Variants in UTRN observed in about 807,000 individuals in gnomAD.
The protein encoded by UTRN is dystrophin-related protein 1.
Under a neutral mutation model 463.9 loss-of-function variants are expected in UTRN, and 283 were observed. That is an observed-to-expected ratio of 0.61 (90% CI 0.55 to 0.67). The LOEUF (loss-of-function observed/expected upper bound fraction) is 0.67. Ranked by LOEUF, UTRN falls within the 30% of genes least tolerant of loss-of-function variation. The pLI is 0.00. For missense variants in UTRN, 3,922 were observed against 4,084.3 expected (o/e 0.96, Z 1.08); for synonymous variants, 1,442 against 1,431.5 (o/e 1.01, Z -0.17).
chr6:144,361,600 CT>C (rs968318807), intron 2 of UTRN, among the ~76,000 whole-genome samples: 1 of 151,600 alleles, frequency 6.6e-6, no homozygotes, highest in Non-Finnish European at 1.5e-5. Flanking sequence ...ATTTATTTAT[CT>C]TTTTTAGAGA....
At chr6:144,437,868 A>G (rs1332871388) in intron 11 of UTRN, 122 bp downstream of exon 11, 1 of 937,656 alleles carries the variant, frequency 1.1e-6, no homozygotes, top group South Asian at 2.3e-5. Context: ...GAAAAGTAAG[A>G]CTCTTTTCTA....
chr6:144,406,279 C>G (rs569382016), intron 3 of UTRN, among the ~76,000 whole-genome samples: 2 of 152,094 alleles, frequency 1.3e-5, no homozygotes, highest in South Asian at 4.1e-4. Flanking sequence ...ATACATGGAC[C>G]ACTGTGATAA....
At position 144,820,978 on chromosome 6, in the gene UTRN, C is replaced by T. The variant is rs1238871260; in HGVS notation, c.9454C>T (p.Leu3152=). Residue 3152 remains leucine, a synonymous_variant, in exon 66 of 75, where the codon CTG becomes TTG. Transcript: ENST00000367545. The part of the protein sequence containing the change: ...YFAKHPRLGY[L]PVQTVLEGDN... ...TGCCAAACACCCTCGACTTGGTTAC[C>T]TGCCTGTCCAGACAGTTCTTGAAGG... 2 of 1,613,762 alleles carry T rather than the reference C, an allele frequency of 1.2e-6. No homozygotes were observed. Among genetic ancestry groups the T allele is most frequent in the Non-Finnish European group, 1.7e-6 (2 of 1,179,872 alleles).
At chr6:144,637,785 G>A (rs1777337255) in intron 51 of UTRN, among the ~76,000 whole-genome samples, 1 of 152,180 alleles carries the variant, frequency 6.6e-6, no homozygotes, top group Non-Finnish European at 1.5e-5. Flanking sequence ...GGAGCTCCAG[G>A]CTCATTTACA....
intron 2 of UTRN, among the ~76,000 whole-genome samples, chr6:144,362,372 A>G (rs1348478299): frequency 6.6e-6 from 1 of 152,212 alleles, no homozygotes; most frequent in Non-Finnish European, 1.5e-5. Context: ...GCTGACCTCC[A>G]GGAGCACTTG....
At chr6:144,592,571 A>C (rs373935060) in intron 51 of UTRN, among the ~76,000 whole-genome samples, 3 of 152,022 alleles carry the variant, frequency 2.0e-5, no homozygotes, top group Non-Finnish European at 4.4e-5. Flanking sequence ...GAGTTTCACC[A>C]TGTTGGCCAT....
intron 51 of UTRN, among the ~76,000 whole-genome samples, chr6:144,628,815 T>G (rs892722557): frequency 2.0e-5 from 3 of 152,118 alleles, no homozygotes; most frequent in Non-Finnish European, 4.4e-5. Flanking sequence ...ACAACTCTCA[T>G]CTCTTTGGGA....
At chr6:144,485,203 C>T (rs981708878) in intron 27 of UTRN, among the ~76,000 whole-genome samples, 182 bp from the exon 28 acceptor site, 5 of 152,046 alleles carry the variant, frequency 3.3e-5, no homozygotes, top group African/African-American at 9.7e-5. Context: ...GGATTACAGG[C>T]GTGAGCCACC....
Position 144,592,386 on chromosome 6 carries a change from T to C in UTRN, c.7479+15098T>C, listed in dbSNP as rs559836549. Among the ~76,000 whole-genome samples the C allele has an allele frequency of 1.7e-3, 255 of 152,228 alleles. 1 individual carries two copies. Among genetic ancestry groups the C allele is most frequent in the African/African-American group, 5.9e-3 (245 of 41,530 alleles). ...TTAAATTTTTAAATTTTTTTTTTTA[T>C]TTTTTAGACAAGAGTCTTGCTGTCA... On this transcript the variant is annotated intron_variant, in intron 51 of 74. Transcript: ENST00000367545.
intron 51 of UTRN, among the ~76,000 whole-genome samples, chr6:144,602,044 C>T (rs779052970): frequency 5.3e-5 from 8 of 152,096 alleles, no homozygotes; most frequent in East Asian, 1.9e-4. Context: ...TTGGAAACTA[C>T]GACTTTAAGC....
At chr6:144,440,622 A>G in intron 13 of UTRN, 151 bp downstream of exon 13, 1 of 1,024,164 alleles carries the variant, frequency 9.8e-7, no homozygotes, top group East Asian at 2.6e-5. Context: ...GGGGTTCTAC[A>G]GTGTGTGGGC....
At chr6:144,364,388 C>G (rs979010865) in intron 2 of UTRN, among the ~76,000 whole-genome samples, 1 of 152,122 alleles carries the variant, frequency 6.6e-6, no homozygotes, top group South Asian at 2.1e-4. Flanking sequence ...TGATTTGGGT[C>G]AAATGTCCTT....
chr6:144,725,721 GATTATATGTATAA>G (rs1787804708), intron 53 of UTRN, among the ~76,000 whole-genome samples: 1 of 152,172 alleles, frequency 6.6e-6, no homozygotes, highest in African/African-American at 2.4e-5. Context: ...AGTGTGAAAT[GATTATATGTATAA>G]AACTGTTGAA....
chr6:144,800,977 T>C (rs1483187974), intron 64 of UTRN, among the ~76,000 whole-genome samples: 2 of 152,282 alleles, frequency 1.3e-5, no homozygotes, highest in South Asian at 2.1e-4. Context: ...TCAGAAGTCA[T>C]TGGGAATCTT....
intron 9 of UTRN, among the ~76,000 whole-genome samples, chr6:144,430,221 T>C (rs1248468220): frequency 6.6e-6 from 1 of 152,214 alleles, no homozygotes; most frequent in Non-Finnish European, 1.5e-5. Context: ...AGGAGTAATG[T>C]ATGGTAAACT....
At chr6:144,787,887 G>A (rs1776420531) in intron 61 of UTRN, among the ~76,000 whole-genome samples, 2 of 152,038 alleles carry the variant, frequency 1.3e-5, no homozygotes, top group Non-Finnish European at 1.5e-5. Context: ...AATGAAAATG[G>A]ATCCTAAATG....
chr6:144,382,599 G>A (rs1781033808), intron 2 of UTRN, among the ~76,000 whole-genome samples: 1 of 152,172 alleles, frequency 6.6e-6, no homozygotes, highest in Admixed American at 6.5e-5. Context: ...CATAACAATT[G>A]TTTAAGGGTT....
At chr6:144,470,170 C>T (rs1790385361) in intron 23 of UTRN, among the ~76,000 whole-genome samples, 1 of 152,222 alleles carries the variant, frequency 6.6e-6, no homozygotes, top group Admixed American at 6.5e-5. Context: ...TTCTATTCCA[C>T]AAAACTGCCA....
intron 52 of UTRN, among the ~76,000 whole-genome samples, chr6:144,687,210 C>A (rs1254948230): frequency 6.6e-6 from 1 of 152,064 alleles, no homozygotes; most frequent in Admixed American, 6.6e-5. Flanking sequence ...CATCTATGTT[C>A]ATCAGGGATA....
Sources: gnomAD v4.1 joint callset for allele counts (sites outside exome capture counted in the v4.1 genomes callset) on GRCh38, gnomAD v4.1.1 for gene constraint, MANE v1.5 for transcripts, NCBI Gene and HGNC (gene_info 2026-07-23, HGNC 2026-07-21) for gene names.